GPATCH2: variants seen among roughly 807,000 people sequenced by gnomAD.
GPATCH2 encodes the protein G-patch domain containing 2, also known as G patch domain-containing protein 2.
A neutral mutation model predicts 58.0 loss-of-function variants in GPATCH2; 51 were observed. That is an observed-to-expected ratio of 0.88 (90% CI 0.70 to 1.11). GPATCH2 has a LOEUF of 1.11. GPATCH2 is among the 50% of genes most tolerant of loss of function. The pLI is 0.00. For missense variants in GPATCH2, 625 were observed against 652.2 expected (o/e 0.96, Z 0.45); for synonymous variants, 222 against 218.5 (o/e 1.02, Z -0.14).
intron 8 of GPATCH2, among the ~76,000 whole-genome samples, chr1:217,475,525 C>A (rs1660928951): frequency 6.6e-6 from 1 of 152,074 alleles, no homozygotes; most frequent in African/African-American, 2.4e-5. Flanking sequence ...TTTTAAATAT[C>A]ATTAAGTTAC....
At chr1:217,497,705 C>T (rs941093129) in intron 7 of GPATCH2, among the ~76,000 whole-genome samples, 2 of 151,958 alleles carry the variant, frequency 1.3e-5, no homozygotes, top group South Asian at 2.1e-4. Context: ...TTTTATCATT[C>T]ACAATAAAAG....
chr1:217,434,238 C>A (rs1357703088), intron 9 of GPATCH2, among the ~76,000 whole-genome samples: 1 of 152,152 alleles, frequency 6.6e-6, no homozygotes, highest in Non-Finnish European at 1.5e-5. Context: ...GGGCAAAATG[C>A]ATATACAGAG....
At chr1:217,561,739 C>T (rs540632787) in intron 5 of GPATCH2, among the ~76,000 whole-genome samples, 15 of 152,220 alleles carry the variant, frequency 9.9e-5, no homozygotes, top group South Asian at 8.3e-4. Context: ...CAGATCATCA[C>T]CACTGTTTTC....
chr1:217,548,383 C>T (rs1017383197), intron 5 of GPATCH2, among the ~76,000 whole-genome samples: 1 of 152,096 alleles, frequency 6.6e-6, no homozygotes, highest in South Asian at 2.1e-4. Flanking sequence ...TGTAACAAAC[C>T]TGCACAGGTA....
chr1:217,628,274 C>A (rs1260266184), intron 1 of GPATCH2, among the ~76,000 whole-genome samples: 1 of 152,018 alleles, frequency 6.6e-6, no homozygotes, highest in Non-Finnish European at 1.5e-5. Flanking sequence ...TCCAAATTTT[C>A]TGCTACATTA....
chr1:217,583,570 C>CAAAAAA (rs60392448), intron 5 of GPATCH2, among the ~76,000 whole-genome samples: 6 of 65,198 alleles, frequency 9.2e-5, no homozygotes, highest in Non-Finnish European at 1.7e-4. Context: ...GACTCTGTCT[C>CAAAAAA]AAAAAAAAAA....
chr1:217,452,415 T>C (rs911312623), intron 8 of GPATCH2, among the ~76,000 whole-genome samples: 1 of 152,204 alleles, frequency 6.6e-6, no homozygotes, highest in Non-Finnish European at 1.5e-5. Context: ...AACACATTTT[T>C]AGAAATAATC....
intron 5 of GPATCH2, among the ~76,000 whole-genome samples, chr1:217,586,669 T>C (rs1400291294): frequency 6.6e-6 from 1 of 152,242 alleles, no homozygotes; most frequent in Non-Finnish European, 1.5e-5. Context: ...AATATAGTTG[T>C]TTATTATCAT....
chr1:217,542,299 G>A (rs1311940287), intron 5 of GPATCH2, among the ~76,000 whole-genome samples: 1 of 152,046 alleles, frequency 6.6e-6, no homozygotes, highest in Non-Finnish European at 1.5e-5. Context: ...CATCCTTACG[G>A]TAGGAGACGC....
chr1:217,477,740 C>T (rs115550290), intron 8 of GPATCH2, among the ~76,000 whole-genome samples: 3,001 of 152,230 alleles, frequency 0.02, 107 homozygotes, highest in African/African-American at 0.067. Context: ...TGGAGTATAA[C>T]AGAACACCAG....
chr1:217,443,652 G>A (rs1266685750), intron 9 of GPATCH2, among the ~76,000 whole-genome samples: 1 of 151,938 alleles, frequency 6.6e-6, no homozygotes, highest in South Asian at 2.1e-4. Flanking sequence ...ATTGGACATA[G>A]GTTGAACTTC....
At chr1:217,583,010 A>G (rs1333539579) in intron 5 of GPATCH2, among the ~76,000 whole-genome samples, 1 of 152,230 alleles carries the variant, frequency 6.6e-6, no homozygotes, top group Non-Finnish European at 1.5e-5. Flanking sequence ...TCCATCTTGG[A>G]TAAAATATAG....
chr1:217,449,057 T>C (rs759449133), intron 9 of GPATCH2, among the ~76,000 whole-genome samples, 192 bp downstream of exon 9: 1 of 152,342 alleles, frequency 6.6e-6, no homozygotes, highest in East Asian at 1.9e-4. Flanking sequence ...ATGTAACATA[T>C]ACGTTAACCT....
intron 5 of GPATCH2, chr1:217,608,681 T>C (rs539878916): frequency 1.2e-5 from 12 of 984,038 alleles, no homozygotes; most frequent in Non-Finnish European, 1.4e-5. Flanking sequence ...GGCCAAGGTT[T>C]TAAAGTGACT....
intron 8 of GPATCH2, among the ~76,000 whole-genome samples, chr1:217,462,923 C>G (rs557806697): frequency 6.6e-6 from 1 of 152,164 alleles, no homozygotes; most frequent in Admixed American, 6.5e-5. Context: ...TTATGCTTGG[C>G]CTTTCTCATG....
At chr1:217,589,359 C>T (rs1002834404) in intron 5 of GPATCH2, among the ~76,000 whole-genome samples, 3 of 152,024 alleles carry the variant, frequency 2.0e-5, no homozygotes, top group Non-Finnish European at 4.4e-5. Context: ...CTCCCCTCTG[C>T]CCAGAGTGGC....
chr1:217,584,205 T>C (rs1028553834), intron 5 of GPATCH2, among the ~76,000 whole-genome samples: 1 of 151,374 alleles, frequency 6.6e-6, no homozygotes, highest in African/African-American at 2.4e-5. Context: ...GTGGTCAAAA[T>C]TAATGTTCGA....
At chr1:217,485,221 G>T (rs963501462) in intron 8 of GPATCH2, among the ~76,000 whole-genome samples, 16 of 152,110 alleles carry the variant, frequency 1.1e-4, no homozygotes, top group Admixed American at 9.8e-4. Flanking sequence ...AAATAAATTT[G>T]CCATTCCTCT....
At chr1:217,602,995 G>A (rs1668179317) in intron 5 of GPATCH2, among the ~76,000 whole-genome samples, 1 of 151,988 alleles carries the variant, frequency 6.6e-6, no homozygotes, top group Non-Finnish European at 1.5e-5. Context: ...GTCAAAGGAA[G>A]AACATGTAAT....
Sources: allele counts gnomAD v4.1 joint callset (sites outside exome capture counted in the v4.1 genomes callset), GRCh38; gene constraint gnomAD v4.1.1; transcripts MANE v1.5; gene names NCBI Gene and HGNC (gene_info 2026-07-23, HGNC 2026-07-21).